The following CCDC175 variants were observed in gnomAD, a reference collection of about 807,000 sequenced individuals.
CCDC175 encodes the protein coiled-coil domain-containing protein 175.
Under a neutral mutation model 114.6 loss-of-function variants are expected in CCDC175, and 100 were observed. That is an observed-to-expected ratio of 0.87 (90% CI 0.74 to 1.03). The LOEUF (loss-of-function observed/expected upper bound fraction) is 1.03. CCDC175 is among the 50% of genes least tolerant of loss of function. CCDC175 has a pLI of 0.00. For missense variants in CCDC175, 880 were observed against 917.8 expected, an observed-to-expected ratio of 0.96 and a Z score of 0.53; for synonymous variants, 306 against 308.7, an observed-to-expected ratio of 0.99 and a Z score of 0.09.
At position 59,552,765 on chromosome 14, in the gene CCDC175, C is replaced by G. The variant is rs576019258; in HGVS notation, c.954-1329G>C. Among the ~76,000 whole-genome samples the G allele has an allele frequency of 2.0e-5, 3 of 152,250 alleles. No individual in the cohort carries two copies. In the East Asian group the frequency reaches 5.8e-4, roughly 29 times the overall value. On this transcript the variant is annotated intron_variant, in intron 7 of 19. Coordinates refer to ENST00000537690, the MANE Select transcript of CCDC175 (RefSeq NM_001164399.2). ...ACTAGAATAACCAGTGTAGAAAAGTCCTTAAATGACCTCATGGAGCTGAAA... is the reference window on the plus strand; with the variant it reads ...ACTAGAATAACCAGTGTAGAAAAGTGCTTAAATGACCTCATGGAGCTGAAA...
intron 7 of CCDC175, among the ~76,000 whole-genome samples, chr14:59,560,682 G>C (rs552023873): frequency 1.3e-5 from 2 of 152,170 alleles, no homozygotes; most frequent in African/African-American, 2.4e-5. Flanking sequence ...CCAGTCCCAC[G>C]TGTAGCAGTT....
chr14:59,572,545 A>G (rs1896898178), intron 3 of CCDC175, among the ~76,000 whole-genome samples, 157 bp downstream of exon 3: 1 of 152,204 alleles, frequency 6.6e-6, no homozygotes, highest in Admixed American at 6.5e-5. Flanking sequence ...CACTTAAAAT[A>G]TAAAAGAAAA....
intron 17 of CCDC175, among the ~76,000 whole-genome samples, chr14:59,512,386 A>C (rs182245996): frequency 6.6e-6 from 1 of 152,188 alleles, no homozygotes; most frequent in African/African-American, 2.4e-5. Context: ...TTCCCGCCCC[A>C]TAAGTACTCT....
intron 7 of CCDC175, among the ~76,000 whole-genome samples, chr14:59,558,163 G>T (rs1039597568): frequency 6.6e-6 from 1 of 152,166 alleles, no homozygotes; most frequent in Admixed American, 6.5e-5. Flanking sequence ...GCAGGAAAAA[G>T]CTTGGTGTGT....
chr14:59,576,560 T>C (rs1213547335), intron 1 of CCDC175, 59 bp downstream of exon 1: 2 of 1,347,344 alleles, frequency 1.5e-6, no homozygotes, highest in Middle Eastern at 2.7e-4. Flanking sequence ...TCCCGCTGAG[T>C]GCCTCCTAAG....
chr14:59,531,489 C>T (rs533766164), intron 14 of CCDC175, among the ~76,000 whole-genome samples: 2 of 152,110 alleles, frequency 1.3e-5, no homozygotes, highest in Non-Finnish European at 2.9e-5. Flanking sequence ...TTAGTTCTAC[C>T]TTTCCCAAGT....
At chr14:59,524,438 G>A (rs540229641) in intron 16 of CCDC175, among the ~76,000 whole-genome samples, 1 of 152,092 alleles carries the variant, frequency 6.6e-6, no homozygotes, top group Non-Finnish European at 1.5e-5. Flanking sequence ...CAAAAGACTT[G>A]AACAGTCACT....
chr14:59,507,078 AAAT>A (rs1451636860), intron 19 of CCDC175, among the ~76,000 whole-genome samples: 1 of 152,224 alleles, frequency 6.6e-6, no homozygotes, highest in African/African-American at 2.4e-5. Context: ...GATTTACAAG[AAAT>A]AAAATTAAGG....
At chr14:59,528,543 T>C (rs1893878948) in intron 14 of CCDC175, among the ~76,000 whole-genome samples, 2 of 152,088 alleles carry the variant, frequency 1.3e-5, no homozygotes, top group East Asian at 1.9e-4. Flanking sequence ...CTTACTCCCA[T>C]TCCCACATCC....
intron 7 of CCDC175, among the ~76,000 whole-genome samples, chr14:59,555,816 C>A (rs1334883295): frequency 1.3e-5 from 2 of 152,060 alleles, no homozygotes; most frequent in Admixed American, 6.6e-5. Flanking sequence ...TCTTATATAC[C>A]AATAACAGAC....
intron 5 of CCDC175, 90 bp downstream of exon 5, chr14:59,564,957 G>A: frequency 2.0e-6 from 2 of 997,246 alleles, no homozygotes; most frequent in Non-Finnish European, 1.4e-6. Flanking sequence ...GAGGCTGCTT[G>A]CCAGCCTTGA....
At position 59,543,466 on chromosome 14, in the gene CCDC175, A is replaced by G; in HGVS notation, c.1173-12T>C. On this transcript the variant is annotated splice_polypyrimidine_tract_variant and intron_variant, in intron 9 of 19. Coordinates refer to ENST00000537690, the MANE Select transcript of CCDC175 (RefSeq NM_001164399.2). Reference sequence around the variant, plus strand: ...GCTGTTTCTGATTTCTATCATGAAAAACAGAGTTATTTGTTGAAGGCTGAC... The same window carrying G: ...GCTGTTTCTGATTTCTATCATGAAAGACAGAGTTATTTGTTGAAGGCTGAC... 1 of 1,151,896 alleles carries G rather than the reference A, an allele frequency of 8.7e-7. No homozygotes were observed. Among genetic ancestry groups the G allele is most frequent in the Admixed American group, 2.8e-5 (1 of 35,344 alleles). 71.4% of individuals were successfully genotyped at this position (1,151,896 alleles called of 1,614,324 possible). A position where few individuals can be genotyped will look rare whatever the true frequency, so the allele number is the denominator to read the frequency against.
chr14:59,506,274 GA>G (rs140814481), intron 19 of CCDC175, among the ~76,000 whole-genome samples: 6 of 130,478 alleles, frequency 4.6e-5, no homozygotes, highest in African/African-American at 2.0e-4. Context: ...TGAGCACAGG[GA>G]TTTTTTTTTT....
Position 59,512,493 on chromosome 14 carries a change from C to T in CCDC175, c.2099-690G>A, listed in dbSNP as rs78388946. Among the ~76,000 whole-genome samples, 739 of 152,306 alleles carry T rather than the reference C, an allele frequency of 4.9e-3. 5 individuals are homozygous for T. The highest frequency in any genetic ancestry group is 0.017 in the African/African-American group (688 of 41,562). On this transcript the variant is annotated intron_variant, in intron 17 of 19. Coordinates refer to ENST00000537690, the MANE Select transcript of CCDC175 (RefSeq NM_001164399.2). ...ATTAAGTGCATCCCTGAGAAGGTTG[C>T]TCCAGATTTCCTTCATACTTTGCCC...
chr14:59,519,239 C>T (rs1227725473), intron 17 of CCDC175, among the ~76,000 whole-genome samples: 4 of 152,140 alleles, frequency 2.6e-5, no homozygotes, highest in African/African-American at 9.6e-5. Context: ...CAGGGTTCAG[C>T]ACACTAACAT....
intron 15 of CCDC175, among the ~76,000 whole-genome samples, chr14:59,526,354 C>G (rs1423498173): frequency 6.6e-6 from 1 of 151,684 alleles, no homozygotes; most frequent in Non-Finnish European, 1.5e-5. Context: ...ACCTATAATC[C>G]CGGCACTTTG....
At chr14:59,554,713 T>G (rs1369864529) in intron 7 of CCDC175, among the ~76,000 whole-genome samples, 1 of 151,980 alleles carries the variant, frequency 6.6e-6, no homozygotes, top group Non-Finnish European at 1.5e-5. Flanking sequence ...ATTGATAGAC[T>G]GCTAGCAAGA....
At chr14:59,557,163 A>C (rs1895948846) in intron 7 of CCDC175, among the ~76,000 whole-genome samples, 1 of 152,186 alleles carries the variant, frequency 6.6e-6, no homozygotes, top group African/African-American at 2.4e-5. Context: ...AGACACACGC[A>C]CACGTATGTT....
Position 59,576,718 on chromosome 14 carries a change from C to T in CCDC175, c.58G>A (p.Ala20Thr), listed in dbSNP as rs1236971108. 1.6e-5 allele frequency: 24 copies of T among 1,476,170 alleles called. No individual in the cohort carries two copies. In the African/African-American group the frequency reaches 3.2e-4, roughly 20 times the overall value. 91.4% of individuals were successfully genotyped at this position (1,476,170 alleles called of 1,614,324 possible). A position where few individuals can be genotyped will look rare whatever the true frequency, so the allele number is the denominator to read the frequency against. ...AGGGAGGGGCCAGTGGAGACGGCAG[C>T]CGCCTGCACCAGCTTCTCGCCAGCG... The part of the protein sequence containing the change: ...LGAGEKLVQA[A>T]AVSTGPSLEL... Residue 20 changes from alanine (A) to threonine (T), a missense_variant, in exon 1 of 20, where the codon GCT (alanine) becomes ACT (threonine). By Grantham distance (58) the Ala-to-Thr change is moderately conservative. Transcript: ENST00000537690.
Sources: allele counts gnomAD v4.1 joint callset (sites outside exome capture counted in the v4.1 genomes callset), GRCh38; gene constraint gnomAD v4.1.1; transcripts MANE v1.5; gene names NCBI Gene and HGNC (gene_info 2026-07-23, HGNC 2026-07-21).